NCKAP1L: variants seen among roughly 807,000 people sequenced by gnomAD.
NCKAP1L encodes the protein NCK associated protein 1 like.
Under a neutral mutation model 139.2 loss-of-function variants are expected in NCKAP1L, and 53 were observed. The observed-to-expected ratio is 0.38, with a 90% CI of 0.31 to 0.48. The LOEUF (loss-of-function observed/expected upper bound fraction) is 0.48. Among genes scored for constraint, NCKAP1L ranks in the 20% least tolerant of loss-of-function variants. The pLI, the probability that NCKAP1L is intolerant of heterozygous loss-of-function variation, is 0.98. For missense variants in NCKAP1L, 1,151 were observed against 1,381.9 expected (o/e 0.83, Z 2.65); for synonymous variants, 468 against 499.7 (o/e 0.94, Z 0.85).
At chr12:54,526,088 T>C (rs1957023497) in intron 20 of NCKAP1L, among the ~76,000 whole-genome samples, 1 of 152,226 alleles carries the variant, frequency 6.6e-6, no homozygotes, top group Admixed American at 6.5e-5. Context: ...GGTTTTCCAT[T>C]TCTGGCAGTG....
chr12:54,539,705 C>T (rs994137231), intron 30 of NCKAP1L, among the ~76,000 whole-genome samples: 6 of 152,130 alleles, frequency 3.9e-5, no homozygotes, highest in African/African-American at 1.4e-4. Flanking sequence ...TTTAAAAGGC[C>T]CTCCTTGAGC....
intron 3 of NCKAP1L, 143 bp from the exon 4 acceptor site, chr12:54,507,710 C>T (rs1171862760): frequency 1.3e-6 from 1 of 743,104 alleles, no homozygotes; most frequent in South Asian, 1.7e-5. Context: ...GGAACTTCCT[C>T]CCTCTTTTTC....
At position 54,535,085 on chromosome 12, in the gene NCKAP1L, GT is replaced by G. The variant is rs1215945581; in HGVS notation, c.2863-17del. 6.2e-7 allele frequency: 1 copy of G among 1,607,064 alleles called. No homozygotes were observed. The highest frequency in any genetic ancestry group is 1.7e-5 in the Admixed American group (1 of 59,684). The stretch of plus-strand genomic sequence containing the variant: ...GTGTCCTGCGAATCCTCTCTAGAAT[GT>G]TATTTTCTTCTCTCCAGGTGACCTT... On this transcript the variant is annotated intron_variant, in intron 26 of 30. Coordinates refer to ENST00000293373, the MANE Select transcript of NCKAP1L (RefSeq NM_005337.5).
chr12:54,520,655 G>C (rs1956974396), intron 16 of NCKAP1L, 39 bp from the exon 17 acceptor site: 1 of 1,611,298 alleles, frequency 6.2e-7, no homozygotes, highest in Non-Finnish European at 8.5e-7. Context: ...TACTAATAAG[G>C]ACTAAATCTT....
chr12:54,498,796 A>G (rs1235051604), intron 1 of NCKAP1L: 1 of 985,260 alleles, frequency 1.0e-6, no homozygotes, highest in Non-Finnish European at 1.2e-6. Flanking sequence ...GCTGGGGCCA[A>G]GCAGGCATTA....
chr12:54,545,554 C>T lies in NCKAP1L; in HGVS notation c.*2869C>T, dbSNP rs1397886859. On this transcript the variant is annotated 3_prime_UTR_variant, in exon 31 of 31. Coordinates refer to ENST00000293373, the MANE Select transcript of NCKAP1L (RefSeq NM_005337.5). ...CAGAGGTGAAGGGACAGAGAAGTAA[C>T]AGGACCCATCAGCATTTCAGGCAAT... The T allele has an allele frequency of 1.3e-5, 2 of 152,210 alleles. No individual in the cohort carries two copies. The highest frequency in any genetic ancestry group is 1.3e-4 in the Admixed American group (2 of 15,284). 9.4% of individuals were successfully genotyped at this position (152,210 alleles called of 1,614,324 possible). A position where few individuals can be genotyped will look rare whatever the true frequency, so the allele number is the denominator to read the frequency against.
chr12:54,534,983 T>C lies in NCKAP1L; in HGVS notation c.2863-121T>C, dbSNP rs1957102901. The C allele has an allele frequency of 2.8e-5, 18 of 649,286 alleles. No individual in the cohort carries two copies. In the South Asian group the frequency reaches 4.0e-4, roughly 14 times the overall value. The allele number at this position is 649,286 out of a possible 1,614,324, so 40.2% of individuals were successfully genotyped here. A position where few individuals can be genotyped will look rare whatever the true frequency, so the allele number is the denominator to read the frequency against. On this transcript the variant is annotated intron_variant, in intron 26 of 30. Transcript: ENST00000293373. ...GAGACTCTCTCTTTCTCTACATATA[T>C]ATAAAAGCATCTTTAAAAAAAAAAT...
rs1437750055 is a variant in NCKAP1L, at chr12:54,546,483, G to T, written c.*3798G>T. The T allele has an allele frequency of 6.6e-6, 1 of 152,220 alleles. No individual in the cohort carries two copies. The highest frequency in any genetic ancestry group is 1.5e-5 in the Non-Finnish European group (1 of 68,084). The allele number at this position is 152,220 out of a possible 1,614,324, so 9.4% of individuals were successfully genotyped here. The stretch of plus-strand genomic sequence containing the variant: ...TGTGAATACCAGGATCCAGGAGGGA[G>T]GGAGGGTATATCTGTGTCCCCCAGC... On this transcript the variant is annotated 3_prime_UTR_variant, in exon 31 of 31. Coordinates refer to ENST00000293373, the MANE Select transcript of NCKAP1L (RefSeq NM_005337.5).
At chr12:54,503,725 C>T (rs773338967) in intron 3 of NCKAP1L, among the ~76,000 whole-genome samples, 3 of 151,442 alleles carry the variant, frequency 2.0e-5, no homozygotes, top group African/African-American at 4.9e-5. Flanking sequence ...CTGCTGCCTC[C>T]GCCTTTGGGT....
intron 3 of NCKAP1L, among the ~76,000 whole-genome samples, chr12:54,504,957 T>A (rs1956828467): frequency 6.6e-6 from 1 of 152,220 alleles, no homozygotes; most frequent in Admixed American, 6.5e-5. Context: ...TCAGCTATAT[T>A]CCACTGGAAT....
At chr12:54,527,577 A>G (rs1036176778) in intron 21 of NCKAP1L, among the ~76,000 whole-genome samples, 1 of 152,234 alleles carries the variant, frequency 6.6e-6, no homozygotes, top group African/African-American at 2.4e-5. Context: ...AATTTTCCAT[A>G]GGTGCCAGAG....
chr12:54,534,302 T>G (rs1957097222), intron 26 of NCKAP1L, among the ~76,000 whole-genome samples: 1 of 152,220 alleles, frequency 6.6e-6, no homozygotes. Context: ...TAACTTTTAG[T>G]CAAGGTCACA....
intron 1 of NCKAP1L, among the ~76,000 whole-genome samples, chr12:54,498,196 T>C (rs1432965612): frequency 6.6e-6 from 1 of 152,128 alleles, no homozygotes; most frequent in African/African-American, 2.4e-5. Context: ...GTGACTTGGA[T>C]AAAGGTCTGG....
intron 18 of NCKAP1L, 93 bp from the exon 19 acceptor site, chr12:54,523,301 C>G: frequency 7.1e-7 from 1 of 1,404,408 alleles, no homozygotes; most frequent in Non-Finnish European, 9.7e-7. Flanking sequence ...GATAAAATAA[C>G]AGACAACAAT....
chr12:54,543,088 A>G lies in NCKAP1L; in HGVS notation c.*403A>G, dbSNP rs989839202. 7 of 166,060 alleles carry G rather than the reference A, an allele frequency of 4.2e-5. No individual in the cohort carries two copies. Among genetic ancestry groups the G allele is most frequent in the Non-Finnish European group, 6.5e-5 (5 of 76,598 alleles). 10.3% of individuals were successfully genotyped at this position (166,060 alleles called of 1,614,324 possible). A position where few individuals can be genotyped will look rare whatever the true frequency, so the allele number is the denominator to read the frequency against. On this transcript the variant is annotated 3_prime_UTR_variant, in exon 31 of 31. Transcript: ENST00000293373. ...AGATGATCAATCATCATATTAAATC[A>G]TAATGAGCTTATAATCCTCCCACTG...
At chr12:54,507,502 G>A (rs1448254353) in intron 3 of NCKAP1L, among the ~76,000 whole-genome samples, 6 of 152,172 alleles carry the variant, frequency 3.9e-5, no homozygotes, top group Non-Finnish European at 7.4e-5. Flanking sequence ...TTGTCAATAC[G>A]AATCGTTTGA....
chr12:54,517,017 G>C, intron 11 of NCKAP1L, 25 bp downstream of exon 11: 1 of 1,588,702 alleles, frequency 6.3e-7, no homozygotes, highest in Admixed American at 1.7e-5. Context: ...TGTTGGGAGG[G>C]GAATGATGGC....
At chr12:54,514,293 A>AC (rs1386136359) in intron 9 of NCKAP1L, among the ~76,000 whole-genome samples, 1 of 151,746 alleles carries the variant, frequency 6.6e-6, no homozygotes, top group Non-Finnish European at 1.5e-5. Context: ...TTAGGCATAT[A>AC]TCTTTGTGAA....
In NCKAP1L at chr12:54,531,362, T is replaced by C. The variant is rs1435921498; in HGVS notation, c.2604+5T>C. 1 of 1,613,772 alleles carries C rather than the reference T, an allele frequency of 6.2e-7. No individual in the cohort carries two copies. The highest frequency in any genetic ancestry group is 8.5e-7 in the Non-Finnish European group (1 of 1,179,736). ...TCTCAGATTGTGGAGCTGAAGGTACTATGGAAACAATCCCTTGGGGAAAAG... is the reference window on the plus strand; with the variant it reads ...TCTCAGATTGTGGAGCTGAAGGTACCATGGAAACAATCCCTTGGGGAAAAG... On this transcript the variant is annotated splice_donor_5th_base_variant and intron_variant, in intron 23 of 30. Coordinates refer to ENST00000293373, the MANE Select transcript of NCKAP1L (RefSeq NM_005337.5).
Sources: gnomAD v4.1 joint callset for allele counts (sites outside exome capture counted in the v4.1 genomes callset) on GRCh38, gnomAD v4.1.1 for gene constraint, MANE v1.5 for transcripts, NCBI Gene and HGNC (gene_info 2026-07-23, HGNC 2026-07-21) for gene names.